Variants in MEGF11 observed in about 807,000 individuals in gnomAD.
MEGF11 encodes multiple epidermal growth factor-like domains protein 11.
In MEGF11, 126 loss-of-function variants were observed where a neutral mutation model predicts 146.6. The observed-to-expected ratio is 0.86, with a 90% CI of 0.74 to 1.00. The LOEUF (loss-of-function observed/expected upper bound fraction) is 1.00. Among genes scored for constraint, MEGF11 ranks in the 50% least tolerant of loss-of-function variants. MEGF11 has a pLI of 0.00. For synonymous variants in MEGF11, 532 were observed against 583.4 expected, an observed-to-expected ratio of 0.91 and a Z score of 1.27; for missense variants, 1,509 against 1,521.2, an observed-to-expected ratio of 0.99 and a Z score of 0.13.
chr15:66,219,997 C>T, intron 1 of MEGF11, among the ~76,000 whole-genome samples: 1 of 152,092 alleles, frequency 6.6e-6, no homozygotes, highest in East Asian at 1.9e-4. Context: ...TTGCAGATAT[C>T]ATTAGTTAAA....
At chr15:66,111,962 G>T (rs1442038113) in intron 4 of MEGF11, among the ~76,000 whole-genome samples, 2 of 152,040 alleles carry the variant, frequency 1.3e-5, no homozygotes, top group African/African-American at 4.8e-5. Flanking sequence ...CAAAGTAAAG[G>T]GTGATCTTGA....
chr15:66,127,543 CTTAATT>C (rs1457432608), intron 2 of MEGF11, among the ~76,000 whole-genome samples: 3 of 152,224 alleles, frequency 2.0e-5, no homozygotes, highest in Non-Finnish European at 2.9e-5. Context: ...GGGCCCTCAT[CTTAATT>C]TTATTCATTT....
At chr15:66,079,955 G>A (rs1178381516) in intron 5 of MEGF11, among the ~76,000 whole-genome samples, 1 of 152,218 alleles carries the variant, frequency 6.6e-6, no homozygotes, top group Non-Finnish European at 1.5e-5. Context: ...CGTTTCTCCT[G>A]GGAGGCACTG....
intron 1 of MEGF11, among the ~76,000 whole-genome samples, chr15:66,133,614 T>C (rs1298140168): frequency 6.6e-6 from 1 of 152,068 alleles, no homozygotes; most frequent in Non-Finnish European, 1.5e-5. Flanking sequence ...CCCAGCCCTC[T>C]CTATTTACTG....
intron 1 of MEGF11, among the ~76,000 whole-genome samples, chr15:66,191,778 AT>A (rs2090887966): frequency 6.6e-6 from 1 of 152,186 alleles, no homozygotes; most frequent in African/African-American, 2.4e-5. Flanking sequence ...TATAATCTTA[AT>A]AAAAAGACCT....
At chr15:65,906,219 C>A in intron 23 of MEGF11, 78 bp from the exon 24 acceptor site, 2 of 1,078,582 alleles carry the variant, frequency 1.9e-6, no homozygotes, top group South Asian at 1.4e-5. Context: ...TCTTTCTTTT[C>A]TTGCTTTTCC....
At chr15:66,004,510 A>G (rs1194757940) in intron 5 of MEGF11, among the ~76,000 whole-genome samples, 2 of 151,882 alleles carry the variant, frequency 1.3e-5, no homozygotes, top group African/African-American at 4.8e-5. Flanking sequence ...TTTTCATGTT[A>G]TTTTCTCTAT....
chr15:66,115,569 G>A (rs1445610502), intron 4 of MEGF11, among the ~76,000 whole-genome samples: 3 of 152,002 alleles, frequency 2.0e-5, no homozygotes, highest in African/African-American at 7.3e-5. Context: ...CCTGAGACAC[G>A]CCCTTATTTG....
intron 5 of MEGF11, among the ~76,000 whole-genome samples, chr15:66,037,654 G>A (rs1293814033): frequency 6.6e-6 from 1 of 152,170 alleles, no homozygotes; most frequent in Non-Finnish European, 1.5e-5. Flanking sequence ...AACTCAATTG[G>A]GGCAGCTCTC....
intron 1 of MEGF11, among the ~76,000 whole-genome samples, chr15:66,206,571 T>G (rs1327380614): frequency 6.6e-6 from 1 of 152,096 alleles, no homozygotes; most frequent in East Asian, 1.9e-4. Flanking sequence ...ACTAAACAGA[T>G]ATTCTGGAGT....
chr15:65,898,160 A>G, intron 25 of MEGF11, 66 bp from the exon 26 acceptor site: 5 of 1,529,042 alleles, frequency 3.3e-6, no homozygotes, highest in Non-Finnish European at 4.4e-6. Flanking sequence ...TTGGAGAGGA[A>G]GAGAGTTCTA....
At chr15:65,947,571 A>G (rs1487294184) in intron 10 of MEGF11, among the ~76,000 whole-genome samples, 1 of 152,190 alleles carries the variant, frequency 6.6e-6, no homozygotes, top group African/African-American at 2.4e-5. Context: ...CCTAGGGCCC[A>G]CTGCAAAATA....
rs1294806845 is a variant in MEGF11 at position 66,150,673 on chromosome 15, CTG to C, written c.-8-22264_-8-22263del. 7.3e-5 allele frequency among the ~76,000 whole-genome samples: 10 copies of C among 136,424 alleles called. No homozygotes were observed. The East Asian group carries it at 2.1e-3, about 28-fold the overall frequency. The allele number at this position is 136,424 out of a possible 152,430, so 89.5% of individuals were successfully genotyped here. A position where few individuals can be genotyped will look rare whatever the true frequency, so the allele number is the denominator to read the frequency against. ...GAAAGGAAGGGGTTCACCTGGGAATCTGTTAGAATTTTAGCATATGAGGGCAA... is the reference window on the plus strand; with the variant it reads ...GAAAGGAAGGGGTTCACCTGGGAATCTTAGAATTTTAGCATATGAGGGCAA... On this transcript the variant is annotated intron_variant, in intron 1 of 25. Transcript: ENST00000395614.
intron 5 of MEGF11, among the ~76,000 whole-genome samples, chr15:66,073,141 C>T (rs1293820658): frequency 6.6e-6 from 1 of 152,234 alleles, no homozygotes; most frequent in Admixed American, 6.5e-5. Flanking sequence ...CTGTGCAGTG[C>T]ACCCCCACCT....
chr15:66,044,599 G>A (rs757648706), intron 5 of MEGF11, among the ~76,000 whole-genome samples: 5 of 152,018 alleles, frequency 3.3e-5, no homozygotes, highest in Admixed American at 6.6e-5. Context: ...TGTAATCTCA[G>A]TATTTTGGGA....
Position 65,895,459 on chromosome 15 carries a change from TATTA to T in MEGF11, c.*2471_*2474del, listed in dbSNP as rs2078343154. 1 of 152,666 alleles carries T rather than the reference TATTA, an allele frequency of 6.6e-6. No homozygotes were observed. Among genetic ancestry groups the T allele is most frequent in the African/African-American group, 2.4e-5 (1 of 41,464 alleles). The allele number at this position is 152,666 out of a possible 1,614,324, so 9.5% of individuals were successfully genotyped here. On this transcript the variant is annotated 3_prime_UTR_variant, in exon 26 of 26. Transcript: ENST00000395614. ...CTTTCATTCATTTTAATTGTACACA[TATTA>T]ATTTTTTGAAAATTTAGTTTCTGAA...
chr15:66,017,164 C>G (rs147341798), intron 5 of MEGF11, among the ~76,000 whole-genome samples: 1 of 152,276 alleles, frequency 6.6e-6, no homozygotes, highest in Non-Finnish European at 1.5e-5. Context: ...ACAGACCAGG[C>G]CCATGATTAC....
At chr15:65,935,797 A>G (rs962179609) in intron 10 of MEGF11, among the ~76,000 whole-genome samples, 1 of 152,158 alleles carries the variant, frequency 6.6e-6, no homozygotes, top group Non-Finnish European at 1.5e-5. Context: ...ACCAGGTTCT[A>G]ACACCTCAAC....
At chr15:66,036,329 T>A (rs2083724725) in intron 5 of MEGF11, among the ~76,000 whole-genome samples, 9 of 152,264 alleles carry the variant, frequency 5.9e-5, no homozygotes, top group Admixed American at 5.9e-4. Context: ...AGAAGCTCCC[T>A]GCACACTGGT....
Sources: allele counts gnomAD v4.1 joint callset (sites outside exome capture counted in the v4.1 genomes callset), GRCh38; gene constraint gnomAD v4.1.1; transcripts MANE v1.5; gene names NCBI Gene and HGNC (gene_info 2026-07-23, HGNC 2026-07-21).